The following FAP variants were observed in gnomAD, a reference collection of about 807,000 sequenced individuals.
FAP encodes prolyl endopeptidase FAP.
FAP carries 110 observed loss-of-function variants against 126.5 expected under a neutral mutation model. That is an observed-to-expected ratio of 0.87 (90% CI 0.74 to 1.02). The LOEUF (loss-of-function observed/expected upper bound fraction) is 1.02. FAP is among the 50% of genes least tolerant of loss of function. The pLI is 0.00. For missense variants in FAP, 919 were observed against 909.2 expected, an observed-to-expected ratio of 1.01 and a Z score of -0.14; for synonymous variants, 334 against 297.3, an observed-to-expected ratio of 1.12 and a Z score of -1.27.
chr2:162,208,544 T>C (rs1012101999), intron 12 of FAP, among the ~76,000 whole-genome samples: 1 of 152,198 alleles, frequency 6.6e-6, no homozygotes, highest in Non-Finnish European at 1.5e-5. Context: ...ATAGTAAATC[T>C]AGTTATAGTA....
chr2:162,238,768 A>G (rs1041100565), intron 2 of FAP, among the ~76,000 whole-genome samples: 3 of 152,162 alleles, frequency 2.0e-5, no homozygotes, highest in African/African-American at 7.2e-5. Flanking sequence ...ATTTTATCTC[A>G]CGTATATCTT....
chr2:162,226,112 C>G (rs777027478), intron 3 of FAP, among the ~76,000 whole-genome samples: 1 of 151,872 alleles, frequency 6.6e-6, no homozygotes, highest in South Asian at 2.1e-4. Flanking sequence ...ATGAAAATAC[C>G]GATTTCATGA....
chr2:162,213,875 T>G, intron 11 of FAP, 63 bp downstream of exon 11: 12 of 1,505,470 alleles, frequency 8.0e-6, no homozygotes, highest in South Asian at 1.4e-5. Context: ...TAGCTATGGA[T>G]GAGTCCCCAC....
intron 25 of FAP, chr2:162,172,084 C>T (rs896568346): frequency 6.6e-6 from 1 of 152,016 alleles, no homozygotes; most frequent in African/African-American, 2.4e-5. Flanking sequence ...CCAGTCAGTA[C>T]ATTTTTTAAA....
At chr2:162,205,298 T>C (rs929416677) in intron 12 of FAP, among the ~76,000 whole-genome samples, 1 of 152,222 alleles carries the variant, frequency 6.6e-6, no homozygotes, top group Non-Finnish European at 1.5e-5. Flanking sequence ...AGACCAACCT[T>C]GGTAGGATTT....
chr2:162,215,097 T>A (rs1012099087), intron 10 of FAP, among the ~76,000 whole-genome samples: 1 of 152,172 alleles, frequency 6.6e-6, no homozygotes, highest in Admixed American at 6.5e-5. Context: ...TAGCAGATAA[T>A]TCAAAAATAT....
intron 17 of FAP, 98 bp from the exon 18 acceptor site, chr2:162,189,852 C>T: frequency 1.5e-6 from 1 of 652,394 alleles, no homozygotes; most frequent in Non-Finnish European, 2.7e-6. Flanking sequence ...GAAACTGAAA[C>T]TGTGAAAAGC....
At chr2:162,199,013 TTAAAG>T in intron 15 of FAP, 132 bp from the exon 16 acceptor site, 1 of 749,294 alleles carries the variant, frequency 1.3e-6, no homozygotes, top group South Asian at 1.8e-5. Flanking sequence ...CCAATATCAT[TTAAAG>T]TAAAGGGGAA....
intron 7 of FAP, 85 bp downstream of exon 7, chr2:162,219,768 A>T: frequency 5.7e-6 from 5 of 880,502 alleles, no homozygotes; most frequent in Admixed American, 4.3e-5. Context: ...TTTTTCTTTC[A>T]GGCAGGGAAA....
At chr2:162,197,150 G>A (rs1198907779) in intron 16 of FAP, among the ~76,000 whole-genome samples, 1 of 152,190 alleles carries the variant, frequency 6.6e-6, no homozygotes, top group East Asian at 1.9e-4. Flanking sequence ...ATCAGCAAAT[G>A]CATCAGCATA....
chr2:162,203,969 T>C (rs1688599225), intron 12 of FAP, among the ~76,000 whole-genome samples: 1 of 151,108 alleles, frequency 6.6e-6, no homozygotes, highest in Admixed American at 6.6e-5. Flanking sequence ...ATTTGCTGAC[T>C]TTTTTTCCCC....
chr2:162,185,566 C>T (rs949424448), intron 20 of FAP, among the ~76,000 whole-genome samples: 4 of 152,144 alleles, frequency 2.6e-5, no homozygotes, highest in Non-Finnish European at 4.4e-5. Flanking sequence ...GACGCATTTT[C>T]TTTCACATAG....
chr2:162,217,535 T>G (rs1271162692), intron 9 of FAP, among the ~76,000 whole-genome samples: 2 of 152,102 alleles, frequency 1.3e-5, no homozygotes, highest in Non-Finnish European at 2.9e-5. Flanking sequence ...ACTTATAAAT[T>G]TAACCTATCT....
intron 21 of FAP, among the ~76,000 whole-genome samples, chr2:162,178,004 T>A (rs1687545219): frequency 6.6e-6 from 1 of 152,176 alleles, no homozygotes; most frequent in Non-Finnish European, 1.5e-5. Flanking sequence ...TCAGGACACT[T>A]GTCTCAGCAA....
chr2:162,187,523 G>A (rs761435755), intron 20 of FAP, among the ~76,000 whole-genome samples: 2 of 152,078 alleles, frequency 1.3e-5, no homozygotes, highest in Non-Finnish European at 2.9e-5. Context: ...TGCCTATATA[G>A]TCCTGTTTCA....
At chr2:162,207,239 A>G (rs1181595025) in intron 12 of FAP, among the ~76,000 whole-genome samples, 2 of 152,228 alleles carry the variant, frequency 1.3e-5, no homozygotes, top group Non-Finnish European at 2.9e-5. Flanking sequence ...AAGGCATGTC[A>G]GAACTTACAA....
chr2:162,212,204 C>G (rs1450474738), intron 11 of FAP, among the ~76,000 whole-genome samples: 1 of 152,078 alleles, frequency 6.6e-6, no homozygotes, highest in African/African-American at 2.4e-5. Flanking sequence ...TTTCAGATTT[C>G]AAAGCAATCA....
chr2:162,226,802 A>G (rs904477471), intron 2 of FAP, among the ~76,000 whole-genome samples, 181 bp from the exon 3 acceptor site: 1 of 152,074 alleles, frequency 6.6e-6, no homozygotes, highest in African/African-American at 2.4e-5. Context: ...TTTTTTGTAG[A>G]TACAGTAATT....
In FAP at chr2:162,236,057, A is replaced by G. The variant is rs1002202593; in HGVS notation, c.91+6851T>C. Among the ~76,000 whole-genome samples the G allele has an allele frequency of 3.9e-5, 6 of 152,152 alleles. No homozygotes were observed. In the South Asian group the frequency reaches 1.0e-3, roughly 26 times the overall value. On this transcript the variant is annotated intron_variant, in intron 2 of 25. Coordinates refer to ENST00000188790, the MANE Select transcript of FAP (RefSeq NM_004460.5). ...TTTGTCAAATCCTTTTTCTGTGTCT[A>G]TTATGACTATGAGGTTTTTGTCCTT...
Sources: allele counts gnomAD v4.1 joint callset (sites outside exome capture counted in the v4.1 genomes callset), GRCh38; gene constraint gnomAD v4.1.1; transcripts MANE v1.5; gene names NCBI Gene and HGNC (gene_info 2026-07-23, HGNC 2026-07-21).